Variants in ERC2 observed in about 807,000 individuals in gnomAD.
ERC2 encodes ERC protein 2.
Under a neutral mutation model 114.8 loss-of-function variants are expected in ERC2, and 42 were observed. The ratio of observed to expected loss-of-function variants is 0.37; its 90% CI spans 0.29 to 0.47. ERC2 has a LOEUF of 0.47. Among genes scored for constraint, ERC2 ranks in the 20% least tolerant of loss-of-function variants. The probability of loss-of-function intolerance (pLI) is 0.99; values close to 1 mark genes in which losing one functional copy is unlikely to be tolerated. For synonymous variants in ERC2, 454 were observed against 425.5 expected (o/e 1.07, Z -0.82); for missense variants, 939 against 1,150.7 (o/e 0.82, Z 2.66).
chr3:55,697,673 A>T (rs561714111), intron 16 of ERC2, among the ~76,000 whole-genome samples: 20 of 152,224 alleles, frequency 1.3e-4, no homozygotes, highest in African/African-American at 3.9e-4. Context: ...CTGGTTTGTT[A>T]TCTCAGCAGG....
intron 3 of ERC2, among the ~76,000 whole-genome samples, chr3:56,290,209 T>C (rs934714670): frequency 6.6e-6 from 1 of 152,230 alleles, no homozygotes; most frequent in African/African-American, 2.4e-5. Flanking sequence ...GCAGAAAACA[T>C]TTTTTAATGG....
intron 13 of ERC2, among the ~76,000 whole-genome samples, chr3:55,927,731 C>T (rs1228101206): frequency 6.6e-6 from 1 of 152,226 alleles, no homozygotes. Context: ...AGTTAACCAT[C>T]CCCACTCCCC....
rs1001261480 is a variant in ERC2 at position 56,182,959 on chromosome 3, C to CA, written c.1075-9440dup. 1.7e-4 allele frequency among the ~76,000 whole-genome samples: 25 copies of CA among 148,868 alleles called. No homozygotes were observed. The South Asian group carries it at 1.9e-3, about 12-fold the overall frequency. On this transcript the variant is annotated intron_variant, in intron 3 of 17. Coordinates refer to ENST00000288221, the MANE Select transcript of ERC2 (RefSeq NM_015576.3). ...TGGTTGGCACACAGAAGAAGTGGGG[C>CA]AAAAAAAAACCACAATTACTTTCAA... is the stretch of plus-strand genomic sequence containing the variant.
chr3:56,251,200 C>T (rs1050006362), intron 3 of ERC2, among the ~76,000 whole-genome samples: 1 of 152,202 alleles, frequency 6.6e-6, no homozygotes, highest in Non-Finnish European at 1.5e-5. Context: ...CACAATCCAA[C>T]CTTTCAAGTT....
chr3:56,431,831 A>G (rs1255614861), intron 2 of ERC2, among the ~76,000 whole-genome samples: 1 of 152,214 alleles, frequency 6.6e-6, no homozygotes, highest in Non-Finnish European at 1.5e-5. Flanking sequence ...TATTAAATAT[A>G]CAGATTAATA....
chr3:55,650,457 T>C lies in ERC2; in HGVS notation c.*39+33337A>G, dbSNP rs538064070. Among the ~76,000 whole-genome samples the C allele has an allele frequency of 3.9e-5, 6 of 152,302 alleles. No individual in the cohort carries two copies. The East Asian group carries it at 5.8e-4, about 15-fold the overall frequency. On this transcript the variant is annotated intron_variant, in intron 17 of 17. Coordinates refer to ENST00000288221, the MANE Select transcript of ERC2 (RefSeq NM_015576.3). ...ACCTTCTCACATCAGCCCTTCAAAC[T>C]ATTTCGTCTGAGGCAACATCCTCCC...
intron 14 of ERC2, among the ~76,000 whole-genome samples, chr3:55,818,088 T>C (rs2059975836): frequency 6.6e-6 from 1 of 152,222 alleles, no homozygotes; most frequent in Admixed American, 6.5e-5. Flanking sequence ...ACGATGGGAC[T>C]GTCAAGTGAA....
chr3:55,926,489 G>A (rs2065761565), intron 13 of ERC2, among the ~76,000 whole-genome samples: 1 of 151,626 alleles, frequency 6.6e-6, no homozygotes, highest in Admixed American at 6.6e-5. Context: ...ATTTATCAAG[G>A]ATTGAAATAA....
At chr3:55,850,315 A>G (rs1394816669) in intron 14 of ERC2, among the ~76,000 whole-genome samples, 1 of 152,238 alleles carries the variant, frequency 6.6e-6, no homozygotes, top group African/African-American at 2.4e-5. Flanking sequence ...CCAGGTGGAC[A>G]TATCTTTTAA....
intron 17 of ERC2, among the ~76,000 whole-genome samples, chr3:55,606,384 A>G (rs1319196539): frequency 2.6e-5 from 4 of 152,242 alleles, no homozygotes; most frequent in Admixed American, 1.3e-4. Flanking sequence ...GATTCAAAAC[A>G]TCAAAAGCCA....
chr3:55,541,357 C>G (rs2054382711), intron 17 of ERC2, among the ~76,000 whole-genome samples: 1 of 152,186 alleles, frequency 6.6e-6, no homozygotes. Flanking sequence ...CCTTAGGTCC[C>G]AGAAAAGCCA....
In ERC2 at chr3:55,546,973, T is replaced by C. The variant is rs1239552373; in HGVS notation, c.*40-35697A>G. 2.0e-5 allele frequency among the ~76,000 whole-genome samples: 3 copies of C among 152,180 alleles called. No homozygotes were observed. The East Asian group carries it at 5.8e-4, about 29-fold the overall frequency. ...TTGGGGCACTTTCTCTGGAACAGAGTTTAAGTCCCATTTTTCCCACTCAGC... is the reference window on the plus strand; with the variant it reads ...TTGGGGCACTTTCTCTGGAACAGAGCTTAAGTCCCATTTTTCCCACTCAGC... On this transcript the variant is annotated intron_variant, in intron 17 of 17. Coordinates refer to ENST00000288221, the MANE Select transcript of ERC2 (RefSeq NM_015576.3).
At chr3:55,738,669 GC>G (rs1386591161) in intron 14 of ERC2, among the ~76,000 whole-genome samples, 2 of 152,064 alleles carry the variant, frequency 1.3e-5, no homozygotes, top group Non-Finnish European at 2.9e-5. Flanking sequence ...TCTACTTTCA[GC>G]CTGCTTTAAC....
At chr3:55,929,810 C>T (rs999133720) in intron 13 of ERC2, among the ~76,000 whole-genome samples, 2 of 152,206 alleles carry the variant, frequency 1.3e-5, no homozygotes, top group African/African-American at 4.8e-5. Flanking sequence ...CTTCCTTCTG[C>T]TGCAGCCATA....
At chr3:55,982,542 T>G (rs1036609746) in intron 12 of ERC2, among the ~76,000 whole-genome samples, 1 of 152,194 alleles carries the variant, frequency 6.6e-6, no homozygotes, top group African/African-American at 2.4e-5. Flanking sequence ...TTGCTGCTTC[T>G]GCTCCTGTTG....
At chr3:55,859,622 G>C (rs1216270139) in intron 14 of ERC2, among the ~76,000 whole-genome samples, 1 of 151,846 alleles carries the variant, frequency 6.6e-6, no homozygotes, top group Non-Finnish European at 1.5e-5. Context: ...TGCTTGGCTG[G>C]ATGTCATCTT....
At chr3:55,988,323 G>A (rs2149518367) in intron 11 of ERC2, among the ~76,000 whole-genome samples, 1 of 152,312 alleles carries the variant, frequency 6.6e-6, no homozygotes, top group South Asian at 2.1e-4. Flanking sequence ...ACTCCCCTGA[G>A]CTGCCTGCAG....
chr3:56,247,328 T>C (rs1001161033), intron 3 of ERC2, among the ~76,000 whole-genome samples: 39 of 152,298 alleles, frequency 2.6e-4, no homozygotes, highest in Non-Finnish European at 4.3e-4. Context: ...GCTAATAATA[T>C]GTTATGAATA....
At chr3:55,984,888 A>G (rs1310473152) in intron 12 of ERC2, among the ~76,000 whole-genome samples, 1 of 152,202 alleles carries the variant, frequency 6.6e-6, no homozygotes, top group Admixed American at 6.5e-5. Flanking sequence ...TCAGTAGATG[A>G]GCAGGTTTGT....
Sources: allele counts gnomAD v4.1 joint callset (sites outside exome capture counted in the v4.1 genomes callset), GRCh38; gene constraint gnomAD v4.1.1; transcripts MANE v1.5; gene names NCBI Gene and HGNC (gene_info 2026-07-23, HGNC 2026-07-21).